The following DSEL variants were observed in gnomAD, a reference collection of about 807,000 sequenced individuals.
DSEL encodes the protein dermatan-sulfate epimerase-like protein.
DSEL carries 61 observed loss-of-function variants against 96.6 expected under a neutral mutation model. The ratio of observed to expected loss-of-function variants is 0.63; its 90% CI spans 0.51 to 0.78. The LOEUF (loss-of-function observed/expected upper bound fraction) is 0.78. DSEL is among the 30% of genes least tolerant of loss of function. DSEL has a pLI of 0.00. For missense variants in DSEL, 1,320 were observed against 1,430.8 expected (o/e 0.92, Z 1.25); for synonymous variants, 514 against 502.0 (o/e 1.02, Z -0.32).
Position 67,513,113 on chromosome 18 carries a change from T to C in DSEL, c.1496A>G (p.Asn499Ser). ...LYGPKLSHLN[N>S]VLVFAPSPSS... ...GGGTGATGGAGCAAACACCAATACA[T>C]TGTTAAGGTGGCTCAACTTGGGTCC... The change falls in exon 2 of 2, where the codon AAT becomes AGT. Residue 499 changes from asparagine to serine, a missense_variant. Asn to Ser is a conservative substitution (Grantham distance 46). Around this residue, in one of 3 missense-constraint regions of DSEL, gnomAD observed 986 missense variants for 1,066.4 expected, o/e 0.92. Transcript: ENST00000310045. 1.9e-6 allele frequency: 3 copies of C among 1,614,152 alleles called. No homozygotes were observed. Among genetic ancestry groups the C allele is most frequent in the Non-Finnish European group, 2.5e-6 (3 of 1,180,032 alleles).
Position 67,513,566 on chromosome 18 carries a change from T to C in DSEL, c.1043A>G (p.Asp348Gly), listed in dbSNP as rs2089457404. ...YGPESQLVFL[D>G]KFILKNGAGN... ...AGCTCCATTCTTTAAGATGAACTTA[T>C]CCAAGAAAACTAGCTGGCTTTCTGG... The change falls in exon 2 of 2, where the codon GAT (aspartate) becomes GGT (glycine). Residue 348 changes from aspartate (D) to glycine (G), a missense_variant. By Grantham distance (94) the Asp-to-Gly change is moderately conservative. Around this residue, in one of 3 missense-constraint regions of DSEL, gnomAD observed 986 missense variants for 1,066.4 expected, o/e 0.92. Coordinates refer to ENST00000310045, the MANE Select transcript of DSEL (RefSeq NM_032160.3). 2 of 1,614,170 alleles carry C rather than the reference T, an allele frequency of 1.2e-6. No homozygotes were observed. Among genetic ancestry groups the C allele is most frequent in the Non-Finnish European group, 1.7e-6 (2 of 1,180,036 alleles).
In DSEL at chr18:67,508,185, C is replaced by A. The variant is rs1048897273; in HGVS notation, c.*2785G>T. The A allele has an allele frequency of 1.1e-4, 16 of 152,072 alleles. No homozygotes were observed. The highest frequency in any genetic ancestry group is 3.1e-4 in the African/African-American group (13 of 41,400). The allele number at this position is 152,072 out of a possible 1,614,324, so 9.4% of individuals were successfully genotyped here. On this transcript the variant is annotated 3_prime_UTR_variant, in exon 2 of 2. Transcript: ENST00000310045. ...TTCAGAAGTATCAGATAGTGATAAT[C>A]CCTCTTTTAATTATTTCAAAGAACA...
rs1168942390 is a variant in DSEL at position 67,512,764 on chromosome 18, C to A, written c.1845G>T (p.Lys615Asn). Residue 615 changes from lysine to asparagine, a missense_variant, in exon 2 of 2, where the codon AAG (lysine) becomes AAT (asparagine). This residue lies in a region of DSEL where 986 missense variants were observed against 1,066.4 expected (regional missense o/e 0.92). Transcript: ENST00000310045. Reference protein sequence around the residue: ...LDIDFKYIPYKFMNRYNGAMM... With the variant: ...LDIDFKYIPYNFMNRYNGAMM... ...TGGCACCATTATACCTATTCATAAACTTATATGGGATATATTTAAAATCAA... is the reference window on the plus strand; with the variant it reads ...TGGCACCATTATACCTATTCATAAAATTATATGGGATATATTTAAAATCAA... 1 of 1,613,842 alleles carries A rather than the reference C, an allele frequency of 6.2e-7. No individual in the cohort carries two copies. Among genetic ancestry groups the A allele is most frequent in the Non-Finnish European group, 8.5e-7 (1 of 1,179,962 alleles).
rs751662919 is a variant in DSEL, at chr18:67,511,364, T to G, written c.3245A>C (p.Glu1082Ala). 18 of 1,603,644 alleles carry G rather than the reference T, an allele frequency of 1.1e-5. No homozygotes were observed. The South Asian group carries it at 1.8e-4, about 16-fold the overall frequency. Residue 1082 changes from glutamate (E) to alanine (A), a missense_variant, in exon 2 of 2, where the codon GAA becomes GCA. Glu to Ala is a moderately radical substitution (Grantham distance 107). Around this residue, in one of 3 missense-constraint regions of DSEL, gnomAD observed 986 missense variants for 1,066.4 expected, o/e 0.92. Transcript: ENST00000310045. ...NLNSGYAFEY[E>A]PLRKELSKSK... ...TTTTGATAATTCTTTCCTCAATGGT[T>G]CATACTCGAAAGCATAACCCGAATT...
rs2089426942 is a variant in DSEL at position 67,509,030 on chromosome 18, G to GGCC, written c.*1937_*1939dup. 6.6e-6 allele frequency: 1 copy of GGCC among 152,110 alleles called. No homozygotes were observed. The highest frequency in any genetic ancestry group is 2.1e-4 in the South Asian group (1 of 4,822). The allele number at this position is 152,110 out of a possible 1,614,324, so 9.4% of individuals were successfully genotyped here. On this transcript the variant is annotated 3_prime_UTR_variant, in exon 2 of 2. Transcript: ENST00000310045. ...ATTACAGGCGTGAGCCACTGCACCCGGCCGCCAACAGGTACATTTCTGTAT... is the reference window on the plus strand; with the variant it reads ...ATTACAGGCGTGAGCCACTGCACCCGGCCGCCGCCAACAGGTACATTTCTGTAT...
Position 67,511,210 on chromosome 18 carries a change from A to C in DSEL, c.3399T>G (p.Phe1133Leu). Residue 1133 changes from phenylalanine to leucine, a missense_variant, in exon 2 of 2, where the codon TTT (phenylalanine) becomes TTG (leucine). Physicochemically the swap from Phe to Leu is conservative, Grantham distance 22. Around this residue, in one of 3 missense-constraint regions of DSEL, gnomAD observed 986 missense variants for 1,066.4 expected, o/e 0.92. Transcript: ENST00000310045. ...AAATCCTTTCAGTAGTTTTCTGAGG[A>C]AAATGCACAATATCTTCAAACTTGA... ...QLVKFEDIVHFPQKTTERIFA... is the reference protein window; with the variant it reads ...QLVKFEDIVHLPQKTTERIFA... 6.2e-7 allele frequency: 1 copy of C among 1,613,970 alleles called. No individual in the cohort carries two copies. The highest frequency in any genetic ancestry group is 1.1e-5 in the South Asian group (1 of 91,066).
chr18:67,511,262 T>A lies in DSEL; in HGVS notation c.3347A>T (p.Asp1116Val), dbSNP rs770705002. The A allele has an allele frequency of 6.2e-7, 1 of 1,611,960 alleles. No individual in the cohort carries two copies. The highest frequency in any genetic ancestry group is 8.5e-7 in the Non-Finnish European group (1 of 1,179,992). The change falls in exon 2 of 2, where the codon GAT (aspartate) becomes GTT (valine). Residue 1116 changes from aspartate (D) to valine (V), a missense_variant. Asp to Val is a radical substitution (Grantham distance 152). Transcript: ENST00000310045. ...CAGCTGGTAGCTAGTAGGCAGCAAATCTGTATTTATTCTCAAGGCTGCTGC... is the reference window on the plus strand; with the variant it reads ...CAGCTGGTAGCTAGTAGGCAGCAAAACTGTATTTATTCTCAAGGCTGCTGC... ...NTAAALRINTDLLPTSYQLVK... is the reference protein window; with the variant it reads ...NTAAALRINTVLLPTSYQLVK...
At position 67,514,413 on chromosome 18, in the gene DSEL, A is replaced by G. The variant is rs2089463584; in HGVS notation, c.196T>C (p.Tyr66His). Residue 66 changes from tyrosine (Y) to histidine (H), a missense_variant, in exon 2 of 2, where the codon TAT becomes CAT. Physicochemically the swap from Tyr to His is moderately conservative, Grantham distance 83. Around this residue, in one of 3 missense-constraint regions of DSEL, gnomAD observed 323 missense variants for 333.1 expected, o/e 0.97. Transcript: ENST00000310045. Reference sequence around the variant, plus strand: ...GCTTGGATTTCTCCAGCATCAAAATATAAACTTGGATGAAGCATACTTTTC... The same window carrying G: ...GCTTGGATTTCTCCAGCATCAAAATGTAAACTTGGATGAAGCATACTTTTC... Reference protein sequence around the residue: ...LKKSMLHPSLYFDAGEIQAMR... With the variant: ...LKKSMLHPSLHFDAGEIQAMR... The G allele has an allele frequency of 1.2e-6, 2 of 1,614,006 alleles. No individual in the cohort carries two copies. Among genetic ancestry groups the G allele is most frequent in the African/African-American group, 2.7e-5 (2 of 74,934 alleles).
rs559822604 is a variant in DSEL, at chr18:67,516,055, G to A, written c.-885+306C>T. 1.1e-4 allele frequency among the ~76,000 whole-genome samples: 16 copies of A among 152,216 alleles called. No individual in the cohort carries two copies. The East Asian group carries it at 3.1e-3, about 30-fold the overall frequency. ...CGCCAAGCCGAGGGGCGGGAGCTCC[G>A]CGCTCGGCGCTCACCTGTGGCCGAG... is the stretch of plus-strand genomic sequence containing the variant. On this transcript the variant is annotated intron_variant, in intron 1 of 1. Coordinates refer to ENST00000310045, the MANE Select transcript of DSEL (RefSeq NM_032160.3). The surrounding 1 kb of genome is among the most constrained non-coding windows in gnomAD (Gnocchi z 5.6).
chr18:67,516,289 T>TTCTCCGC lies in DSEL; in HGVS notation c.-885+65_-885+71dup, dbSNP rs1177633351. On this transcript the variant is annotated intron_variant, in intron 1 of 1. Transcript: ENST00000310045. This position sits in a 1 kb window ranked among gnomAD's most constrained non-coding sequence, Gnocchi z 5.6. ...GCGTCCTCCGACCCTGCCGCCCCCA[T>TTCTCCGC]TCTCCGCTCCCCGCTCTGGGGCTGA... 1 of 152,552 alleles carries TTCTCCGC rather than the reference T, an allele frequency of 6.6e-6. No individual in the cohort carries two copies. The highest frequency in any genetic ancestry group is 1.5e-5 in the Non-Finnish European group (1 of 68,348). 9.4% of individuals were successfully genotyped at this position (152,552 alleles called of 1,614,324 possible).
chr18:67,513,916 T>C lies in DSEL; in HGVS notation c.693A>G (p.Ala231=), dbSNP rs751447008. 7.4e-6 allele frequency: 12 copies of C among 1,614,096 alleles called. No homozygotes were observed. Among genetic ancestry groups the C allele is most frequent in the African/African-American group, 2.7e-5 (2 of 74,932 alleles). Residue 231 remains alanine (A), a synonymous_variant, in exon 2 of 2, where the codon GCA becomes GCG. Transcript: ENST00000310045. The part of the protein sequence containing the change: ...LHNHQATNMI[A]LLTGALVTGV... ...CAGTCACCAAGGCCCCTGTGAGTAA[T>C]GCTATCATATTAGTGGCTTGGTGGT...
Position 67,511,680 on chromosome 18 carries a change from C to T in DSEL, c.2929G>A (p.Ala977Thr), listed in dbSNP as rs1369863233. ...LPEQRSQMKGAFDRDAEYIRA... is the reference protein window; with the variant it reads ...LPEQRSQMKGTFDRDAEYIRA... The stretch of plus-strand genomic sequence containing the variant: ...ATATATTCAGCATCTCTATCAAAGG[C>T]GCCTTTCATTTGACTTCTTTGTTCT... The change falls in exon 2 of 2, where the codon GCC becomes ACC. Residue 977 changes from alanine (A) to threonine (T), a missense_variant. Physicochemically the swap from Ala to Thr is moderately conservative, Grantham distance 58. Around this residue, in one of 3 missense-constraint regions of DSEL, gnomAD observed 986 missense variants for 1,066.4 expected, o/e 0.92. Transcript: ENST00000310045. The T allele has an allele frequency of 4.3e-6, 7 of 1,613,976 alleles. No homozygotes were observed. The highest frequency in any genetic ancestry group is 2.2e-5 in the South Asian group (2 of 91,082).
chr18:67,513,893 G>A lies in DSEL; in HGVS notation c.716C>T (p.Thr239Ile). 1 of 1,614,104 alleles carries A rather than the reference G, an allele frequency of 6.2e-7. No individual in the cohort carries two copies. Among genetic ancestry groups the A allele is most frequent in the Non-Finnish European group, 8.5e-7 (1 of 1,179,996 alleles). ...MIALLTGALVTGVDKGSKANI... is the reference protein window; with the variant it reads ...MIALLTGALVIGVDKGSKANI... ...TGCTTTAGATCCTTTATCTACTCCA[G>A]TCACCAAGGCCCCTGTGAGTAATGC... The change falls in exon 2 of 2, where the codon ACT (threonine) becomes ATT (isoleucine). Residue 239 changes from threonine to isoleucine, a missense_variant. Thr to Ile is a moderately conservative substitution (Grantham distance 89, BLOSUM62 -1). This residue lies in a region of DSEL where 323 missense variants were observed against 333.1 expected (regional missense o/e 0.97). Coordinates refer to ENST00000310045, the MANE Select transcript of DSEL (RefSeq NM_032160.3).
chr18:67,513,547 A>G lies in DSEL; in HGVS notation c.1062T>C (p.Asn354=). The G allele has an allele frequency of 6.2e-7, 1 of 1,614,212 alleles. No homozygotes were observed. The highest frequency in any genetic ancestry group is 8.5e-7 in the Non-Finnish European group (1 of 1,180,038). The change falls in exon 2 of 2, where the codon AAT becomes AAC. Residue 354 remains asparagine (N), a synonymous_variant. Coordinates refer to ENST00000310045, the MANE Select transcript of DSEL (RefSeq NM_032160.3). ...LVFLDKFILK[N]GAGNWLAQQI... ...GCTGAGCTAACCAATTTCCAGCTCCATTCTTTAAGATGAACTTATCCAAGA... is the reference window on the plus strand; with the variant it reads ...GCTGAGCTAACCAATTTCCAGCTCCGTTCTTTAAGATGAACTTATCCAAGA...
In DSEL at chr18:67,507,028, A is replaced by G. The variant is rs891091185; in HGVS notation, c.*3942T>C. 6.6e-6 allele frequency: 1 copy of G among 152,176 alleles called. No homozygotes were observed. The highest frequency in any genetic ancestry group is 6.5e-5 in the Admixed American group (1 of 15,270). The allele number at this position is 152,176 out of a possible 1,614,324, so 9.4% of individuals were successfully genotyped here. On this transcript the variant is annotated 3_prime_UTR_variant, in exon 2 of 2. Coordinates refer to ENST00000310045, the MANE Select transcript of DSEL (RefSeq NM_032160.3). ...TTTAAATAAGCAGCTAATAGCCCAC[A>G]TATTAAGTGTCTTGATATCTTAGAA...
In DSEL at chr18:67,514,402, A is replaced by T; in HGVS notation, c.207T>A (p.Ala69=). The T allele has an allele frequency of 6.2e-7, 1 of 1,614,202 alleles. No individual in the cohort carries two copies. Among genetic ancestry groups the T allele is most frequent in the Non-Finnish European group, 8.5e-7 (1 of 1,180,040 alleles). Residue 69 remains alanine, a synonymous_variant, in exon 2 of 2, where the codon GCT becomes GCA. Coordinates refer to ENST00000310045, the MANE Select transcript of DSEL (RefSeq NM_032160.3). ...TTTGTCTCATTGCTTGGATTTCTCC[A>T]GCATCAAAATATAAACTTGGATGAA... ...SMLHPSLYFD[A]GEIQAMRQKS...
chr18:67,512,563 A>G lies in DSEL; in HGVS notation c.2046T>C (p.Phe682=). ...TGGAGACATTGATATATGGCCCATA[A>G]AAGACATATGCAATTCTTGTGATTG... ...EPTITRIAYV[F]YGPYINVSSC... is the part of the protein sequence containing the mutation. The change falls in exon 2 of 2, where the codon TTT becomes TTC. Residue 682 remains phenylalanine (F), a synonymous_variant. Transcript: ENST00000310045. 2 of 1,614,220 alleles carry G rather than the reference A, an allele frequency of 1.2e-6. No homozygotes were observed. Among genetic ancestry groups the G allele is most frequent in the Non-Finnish European group, 1.7e-6 (2 of 1,180,030 alleles).
rs937495675 is a variant in DSEL at position 67,506,956 on chromosome 18, G to C, written c.*4014C>G. ...ATATGGATAATTTTTCTTCCGAAAT[G>C]AAGTGAAATCATGATTAATCAGATA... On this transcript the variant is annotated 3_prime_UTR_variant, in exon 2 of 2. Transcript: ENST00000310045. The C allele has an allele frequency of 2.6e-5, 4 of 152,132 alleles. No homozygotes were observed. Among genetic ancestry groups the C allele is most frequent in the Non-Finnish European group, 4.4e-5 (3 of 68,018 alleles). The allele number at this position is 152,132 out of a possible 1,614,324, so 9.4% of individuals were successfully genotyped here.
At position 67,513,187 on chromosome 18, in the gene DSEL, T is replaced by A; in HGVS notation, c.1422A>T (p.Ser474=). ...CTTGTCCATTGGGGGCAAAAGTAAA[T>A]GAGTTCTGATCTGGATGCTCATGTC... The part of the protein sequence containing the change: ...NPGHEHPDQN[S]FTFAPNGQVF... The change falls in exon 2 of 2, where the codon TCA becomes TCT. Residue 474 remains serine, a synonymous_variant. Transcript: ENST00000310045. The A allele has an allele frequency of 6.2e-7, 1 of 1,614,126 alleles. No individual in the cohort carries two copies. The highest frequency in any genetic ancestry group is 8.5e-7 in the Non-Finnish European group (1 of 1,180,016).
Sources: allele counts gnomAD v4.1 joint callset (sites outside exome capture counted in the v4.1 genomes callset), GRCh38; gene constraint gnomAD v4.1.1; regional missense constraint gnomAD v4.1.1; non-coding constraint Gnocchi (gnomAD v3.1); transcripts MANE v1.5; gene names NCBI Gene and HGNC (gene_info 2026-07-23, HGNC 2026-07-21).